Variants in ATG16L1 observed in about 807,000 individuals in gnomAD.
ATG16L1 encodes autophagy-related protein 16-1.
In ATG16L1, 37 loss-of-function variants were observed where a neutral mutation model predicts 88.5. The ratio of observed to expected loss-of-function variants is 0.42; its 90% CI spans 0.32 to 0.55. The LOEUF (loss-of-function observed/expected upper bound fraction) is 0.55. ATG16L1 is among the 20% of genes least tolerant of loss of function. ATG16L1 has a pLI of 0.13. For missense variants in ATG16L1, 554 were observed against 752.8 expected (o/e 0.74, Z 3.09); for synonymous variants, 301 against 281.0 (o/e 1.07, Z -0.71).
rs1325390995 is a variant in ATG16L1 at position 233,263,252 on chromosome 2, T to TATAAA, written c.315+17_315+18insATAAA. The TATAAA allele has an allele frequency of 1.2e-6, 2 of 1,603,120 alleles. No homozygotes were observed. Among genetic ancestry groups the TATAAA allele is most frequent in the Non-Finnish European group, 1.7e-6 (2 of 1,171,090 alleles). On this transcript the variant is annotated intron_variant, in intron 3 of 17. Coordinates refer to ENST00000392017, the MANE Select transcript of ATG16L1 (RefSeq NM_030803.7). ...CGTGGGGAGGTAAAGCTAGCCCTTT[T>TATAAA]CCTCATCTGTCTTCTGCCCTCTATG...
At position 233,279,826 on chromosome 2, in the gene ATG16L1, C is replaced by G. The variant is rs556989341; in HGVS notation, c.1061-1279C>G. 4.6e-5 allele frequency among the ~76,000 whole-genome samples: 7 copies of G among 152,082 alleles called. No individual in the cohort carries two copies. The South Asian group carries it at 1.5e-3, about 32-fold the overall frequency. ...GTCTTTGTTCTTTTGAGATCAATCT[C>G]TCATATTGAATAGCATTAATTTTTT... On this transcript the variant is annotated intron_variant, in intron 10 of 17. Coordinates refer to ENST00000392017, the MANE Select transcript of ATG16L1 (RefSeq NM_030803.7).
At chr2:233,284,158 CTTTTTTTT>C (rs55671277) in intron 12 of ATG16L1, among the ~76,000 whole-genome samples, 1 of 144,400 alleles carries the variant, frequency 6.9e-6, no homozygotes, top group African/African-American at 2.6e-5. Context: ...TTTCTTTTTT[CTTTTTTTT>C]TTTTCTGAGA....
chr2:233,274,682 C>T lies in ATG16L1; in HGVS notation c.858C>T (p.Arg286=). 1 of 1,606,154 alleles carries T rather than the reference C, an allele frequency of 6.2e-7. No homozygotes were observed. The highest frequency in any genetic ancestry group is 1.1e-5 in the South Asian group (1 of 90,828). The change falls in exon 9 of 18, where the codon CGC becomes CGT. Residue 286 remains arginine (R), a synonymous_variant. Coordinates refer to ENST00000392017, the MANE Select transcript of ATG16L1 (RefSeq NM_030803.7). Reference sequence around the variant, plus strand: ...TCTTTATGTTATTTCTTAGGAGACGCTCTGTCTCTTCCTTCCCAGTCCCCC... The same window carrying T: ...TCTTTATGTTATTTCTTAGGAGACGTTCTGTCTCTTCCTTCCCAGTCCCCC... ...LDSITNIFGR[R]SVSSFPVPQD... is the part of the protein sequence containing the mutation.
chr2:233,275,985 A>G (rs1448405883), intron 9 of ATG16L1: 2 of 518,636 alleles, frequency 3.9e-6, no homozygotes, highest in African/African-American at 1.9e-5. Flanking sequence ...CATGATCTCA[A>G]GTTTTCAATC....
chr2:233,252,824 T>C (rs978225810), intron 1 of ATG16L1, among the ~76,000 whole-genome samples: 3 of 152,228 alleles, frequency 2.0e-5, no homozygotes, highest in Non-Finnish European at 4.4e-5. Flanking sequence ...TTTGTACCTT[T>C]ACCTAAATTA....
At chr2:233,290,376 T>G (rs564373721) in intron 14 of ATG16L1, 23 bp downstream of exon 14, 1 of 1,572,380 alleles carries the variant, frequency 6.4e-7, no homozygotes, top group Non-Finnish European at 8.8e-7. Flanking sequence ...AGCTCCTGAC[T>G]GGAGGCACAT....
chr2:233,289,431 G>A (rs1699312680), intron 12 of ATG16L1, among the ~76,000 whole-genome samples: 1 of 140,284 alleles, frequency 7.1e-6, no homozygotes, highest in Admixed American at 7.1e-5. Flanking sequence ...CTATCACTCA[G>A]GTGGAGTACA....
chr2:233,268,605 C>A (rs1170807577), intron 5 of ATG16L1, among the ~76,000 whole-genome samples: 2 of 152,184 alleles, frequency 1.3e-5, no homozygotes, highest in African/African-American at 4.8e-5. Flanking sequence ...TTCAGACAGT[C>A]AACAAGTGCT....
intron 1 of ATG16L1, among the ~76,000 whole-genome samples, chr2:233,252,899 T>C (rs533654743): frequency 1.1e-3 from 166 of 152,318 alleles, no homozygotes; most frequent in Non-Finnish European, 1.9e-3. Context: ...CAAGTTATGC[T>C]GTTGATGATA....
At chr2:233,292,806 G>A (rs1200956747) in intron 16 of ATG16L1, among the ~76,000 whole-genome samples, 2 of 152,228 alleles carry the variant, frequency 1.3e-5, no homozygotes, top group East Asian at 3.8e-4. Context: ...AGGGTGTGCA[G>A]GTGGTCTGCA....
chr2:233,259,326 G>A (rs1045635817), intron 2 of ATG16L1, among the ~76,000 whole-genome samples: 21 of 152,152 alleles, frequency 1.4e-4, no homozygotes, highest in African/African-American at 5.1e-4. Context: ...CACCATCTGA[G>A]GGAGGAGTGT....
At chr2:233,254,508 G>C (rs1402387430) in intron 1 of ATG16L1, among the ~76,000 whole-genome samples, 1 of 152,180 alleles carries the variant, frequency 6.6e-6, no homozygotes, top group Non-Finnish European at 1.5e-5. Context: ...TGAAGAGAAA[G>C]GTGGAAAGAA....
At chr2:233,252,458 C>T (rs925889558) in intron 1 of ATG16L1, among the ~76,000 whole-genome samples, 5 of 152,072 alleles carry the variant, frequency 3.3e-5, no homozygotes, top group African/African-American at 9.7e-5. Flanking sequence ...TCACGGCTCA[C>T]TGCAGTCTCA....
Position 233,272,978 on chromosome 2 carries a change from T to C in ATG16L1, c.720T>C (p.Ile240=), listed in dbSNP as rs767375607. 3 of 1,613,946 alleles carry C rather than the reference T, an allele frequency of 1.9e-6. No individual in the cohort carries two copies. The South Asian group carries it at 3.3e-5, about 18-fold the overall frequency. The change falls in exon 7 of 18, where the codon ATT becomes ATC. Residue 240 remains isoleucine (I), a synonymous_variant. Transcript: ENST00000392017. ...EPLPVEQDDD[I]EVIVDETSDH... Reference sequence around the variant, plus strand: ...CCTTTCTTTCCAGGGATGATGACATTGAGGTCATTGTGGATGAAACTTCTG... The same window carrying C: ...CCTTTCTTTCCAGGGATGATGACATCGAGGTCATTGTGGATGAAACTTCTG...
At chr2:233,261,678 A>C (rs140643155) in intron 2 of ATG16L1, among the ~76,000 whole-genome samples, 66,153 of 151,730 alleles carry the variant, frequency 0.44, 15,053 homozygotes, top group Non-Finnish European at 0.52. Flanking sequence ...GATGAGAGGA[A>C]CAAGTGTCCA....
chr2:233,267,153 A>G (rs1697659766), intron 5 of ATG16L1, among the ~76,000 whole-genome samples: 1 of 152,242 alleles, frequency 6.6e-6, no homozygotes, highest in Non-Finnish European at 1.5e-5. Flanking sequence ...ATTCGAGACC[A>G]GCCTGGCCAA....
intron 9 of ATG16L1, chr2:233,275,776 C>G (rs748049835): frequency 3.9e-6 from 2 of 519,264 alleles, no homozygotes; most frequent in Non-Finnish European, 7.7e-6. Context: ...GTCACGGTCC[C>G]TTTGTTGCCC....
chr2:233,294,475 T>A lies in ATG16L1; in HGVS notation c.*125T>A, dbSNP rs772829919. On this transcript the variant is annotated 3_prime_UTR_variant, in exon 18 of 18. Transcript: ENST00000392017. The stretch of plus-strand genomic sequence containing the variant: ...GGACCTCCCAGAGAAGCTCAAGCTA[T>A]GTGGCACTGTAGCTTTGCCGTGAAT... 4 of 638,600 alleles carry A rather than the reference T, an allele frequency of 6.3e-6. No individual in the cohort carries two copies. The East Asian group carries it at 9.1e-5, about 14-fold the overall frequency. The allele number at this position is 638,600 out of a possible 1,614,324, so 39.6% of individuals were successfully genotyped here.
intron 4 of ATG16L1, 21 bp from the exon 5 acceptor site, chr2:233,264,871 C>T (rs757677484): frequency 3.7e-6 from 6 of 1,613,064 alleles, no homozygotes; most frequent in Non-Finnish European, 4.2e-6. Flanking sequence ...TACTATTCGT[C>T]CTCTGATGTC....
Sources: gnomAD v4.1 joint callset for allele counts (sites outside exome capture counted in the v4.1 genomes callset) on GRCh38, gnomAD v4.1.1 for gene constraint, MANE v1.5 for transcripts, NCBI Gene and HGNC (gene_info 2026-07-23, HGNC 2026-07-21) for gene names.